Variants in GALNT13 observed in about 807,000 individuals in gnomAD.
The protein encoded by GALNT13 is UDP-GalNAc:polypeptide N-acetylgalactosaminyltransferase 13.
Under a neutral mutation model 64.2 loss-of-function variants are expected in GALNT13, and 28 were observed. The ratio of observed to expected loss-of-function variants is 0.44; its 90% CI spans 0.32 to 0.60. The LOEUF is 0.60. GALNT13 is among the 20% of genes least tolerant of loss of function. GALNT13 has a pLI of 0.05. For synonymous variants in GALNT13, 214 were observed against 224.6 expected (o/e 0.95, Z 0.42); for missense variants, 577 against 669.8 (o/e 0.86, Z 1.53).
intron 2 of GALNT13, among the ~76,000 whole-genome samples, chr2:153,938,469 G>A (rs1167007141): frequency 2.6e-5 from 4 of 152,076 alleles, no homozygotes; most frequent in African/African-American, 9.7e-5. Context: ...AATGAGAAGT[G>A]GTGGAATAAT....
chr2:153,437,411 A>T, the GALNT13 span, among the ~76,000 whole-genome samples: 1 of 152,060 alleles, frequency 6.6e-6, no homozygotes, highest in Admixed American at 6.6e-5. Flanking sequence ...GATCTGTCTA[A>T]TGTTGACAGT....
intron 9 of GALNT13, among the ~76,000 whole-genome samples, chr2:154,371,894 G>A (rs7575231): frequency 0.61 from 91,822 of 151,610 alleles, 28,500 homozygotes; most frequent in Admixed American, 0.67. Context: ...AATAAGAATG[G>A]ACAATCCATT....
At chr2:153,859,156 A>G in the GALNT13 span, among the ~76,000 whole-genome samples, 1 of 152,180 alleles carries the variant, frequency 6.6e-6, no homozygotes, top group Non-Finnish European at 1.5e-5. Flanking sequence ...CCATGTGAGA[A>G]ATGATGGCCT....
At chr2:153,339,363 A>G in the GALNT13 span, among the ~76,000 whole-genome samples, 1 of 152,178 alleles carries the variant, frequency 6.6e-6, no homozygotes, top group Non-Finnish European at 1.5e-5. Flanking sequence ...TTACCTGATG[A>G]TTACTGATGC....
At chr2:153,518,746 G>A in the GALNT13 span, among the ~76,000 whole-genome samples, 2 of 152,190 alleles carry the variant, frequency 1.3e-5, no homozygotes, top group South Asian at 4.1e-4. Context: ...TCTGGTATCT[G>A]GTTCTATAAA....
chr2:153,292,361 T>C, the GALNT13 span, among the ~76,000 whole-genome samples: 1 of 152,232 alleles, frequency 6.6e-6, no homozygotes, highest in Admixed American at 6.5e-5. Context: ...CTAAGAACTC[T>C]TATATGCTGG....
chr2:153,309,055 C>T, the GALNT13 span, among the ~76,000 whole-genome samples: 1 of 151,832 alleles, frequency 6.6e-6, no homozygotes, highest in Non-Finnish European at 1.5e-5. Flanking sequence ...ACATAGGTTC[C>T]AAAAAATGAG....
At chr2:154,243,463 C>G (rs748418964) in intron 6 of GALNT13, among the ~76,000 whole-genome samples, 3 of 151,678 alleles carry the variant, frequency 2.0e-5, no homozygotes, top group Non-Finnish European at 2.9e-5. Context: ...ACACACAGCA[C>G]TGAAAAAATT....
the GALNT13 span, among the ~76,000 whole-genome samples, chr2:153,632,732 A>T: frequency 6.6e-6 from 1 of 151,794 alleles, no homozygotes; most frequent in Non-Finnish European, 1.5e-5. Flanking sequence ...TTGATAGCTC[A>T]TTTATTTATT....
the GALNT13 span, among the ~76,000 whole-genome samples, chr2:153,291,766 T>C: frequency 6.8e-6 from 1 of 147,918 alleles, no homozygotes; most frequent in Non-Finnish European, 1.5e-5. Flanking sequence ...AAAAAACCTC[T>C]TGTGGACCAA....
the GALNT13 span, among the ~76,000 whole-genome samples, chr2:153,679,936 A>G: frequency 6.6e-6 from 1 of 151,844 alleles, no homozygotes; most frequent in African/African-American, 2.4e-5. Context: ...CTGTAAAACA[A>G]TTTCAATTCA....
the GALNT13 span, among the ~76,000 whole-genome samples, chr2:153,164,767 C>T: frequency 6.6e-6 from 1 of 152,258 alleles, no homozygotes; most frequent in East Asian, 1.9e-4. Flanking sequence ...TGATGTATAG[C>T]AGATCTATAG....
At chr2:153,109,924 T>A in the GALNT13 span, among the ~76,000 whole-genome samples, 2 of 152,106 alleles carry the variant, frequency 1.3e-5, no homozygotes, top group Admixed American at 1.3e-4. Context: ...GATTTATTTT[T>A]AATTTGTGTA....
intron 3 of GALNT13, among the ~76,000 whole-genome samples, chr2:153,953,955 C>T (rs961379847): frequency 6.6e-6 from 1 of 152,044 alleles, no homozygotes; most frequent in African/African-American, 2.4e-5. Context: ...TCTCATAAAT[C>T]CAGGGAGACA....
chr2:154,287,050 C>T (rs1250168222), intron 8 of GALNT13: 5 of 687,678 alleles, frequency 7.3e-6, no homozygotes, highest in East Asian at 5.5e-5. Flanking sequence ...GAGTGATGAC[C>T]TTACAGGTCA....
At chr2:153,692,565 T>G in the GALNT13 span, among the ~76,000 whole-genome samples, 1 of 152,206 alleles carries the variant, frequency 6.6e-6, no homozygotes, top group African/African-American at 2.4e-5. Flanking sequence ...TTGGAATAAA[T>G]CAACTCAGGC....
chr2:153,660,512 A>G, the GALNT13 span, among the ~76,000 whole-genome samples: 2 of 151,302 alleles, frequency 1.3e-5, no homozygotes, highest in African/African-American at 4.8e-5. Flanking sequence ...ACAAAAGCTT[A>G]GGAAGGGGAG....
chr2:153,239,239 C>T, the GALNT13 span, among the ~76,000 whole-genome samples: 4 of 151,908 alleles, frequency 2.6e-5, no homozygotes, highest in African/African-American at 7.2e-5. Context: ...TTCTTGTTGG[C>T]GTTTTTAGTT....
At chr2:154,355,162 C>T (rs1042645819) in intron 9 of GALNT13, among the ~76,000 whole-genome samples, 1 of 152,086 alleles carries the variant, frequency 6.6e-6, no homozygotes, top group African/African-American at 2.4e-5. Flanking sequence ...TGTTTTTCTT[C>T]TTCCCAAGCT....
Sources: allele counts gnomAD v4.1 joint callset (sites outside exome capture counted in the v4.1 genomes callset), GRCh38; gene constraint gnomAD v4.1.1; transcripts MANE v1.5; gene names NCBI Gene and HGNC (gene_info 2026-07-23, HGNC 2026-07-21).